The following APTX variants were observed in gnomAD, a reference collection of about 807,000 sequenced individuals.
APTX encodes the protein aprataxin.
APTX carries 33 observed loss-of-function variants against 42.3 expected under a neutral mutation model. The observed-to-expected ratio is 0.78, with a 90% CI of 0.59 to 1.04. APTX has a LOEUF of 1.04. Ranked by LOEUF, APTX falls within the 50% of genes least tolerant of loss-of-function variation. APTX has a pLI of 0.00. For synonymous variants in APTX, 130 were observed against 146.7 expected, an observed-to-expected ratio of 0.89 and a Z score of 0.82; for missense variants, 421 against 415.1, an observed-to-expected ratio of 1.01 and a Z score of -0.12.
intron 6 of APTX, among the ~76,000 whole-genome samples, chr9:32,983,762 A>G (rs1388993428): frequency 6.6e-6 from 1 of 152,204 alleles, no homozygotes; most frequent in East Asian, 1.9e-4. Flanking sequence ...AAGGACAAAT[A>G]TGTCCTTGTA....
chr9:33,013,438 C>G (rs72720955), intron 1 of APTX, among the ~76,000 whole-genome samples: 1 of 152,242 alleles, frequency 6.6e-6, no homozygotes, highest in Non-Finnish European at 1.5e-5. Context: ...GGTAAAGTTA[C>G]ACAGCAGATG....
intron 1 of APTX, among the ~76,000 whole-genome samples, chr9:33,022,767 G>A (rs866236584): frequency 6.6e-6 from 1 of 152,168 alleles, no homozygotes; most frequent in East Asian, 1.9e-4. Flanking sequence ...CTGTACAAAC[G>A]AAGACCACAT....
upstream of APTX, among the ~76,000 whole-genome samples, chr9:33,005,510 T>C (rs143856662): frequency 4.0e-4 from 61 of 152,008 alleles, 1 homozygote; most frequent in African/African-American, 1.4e-3. Flanking sequence ...AATCACAGCT[T>C]ACTGCAGCCT....
intron 1 of APTX, among the ~76,000 whole-genome samples, chr9:32,992,694 AAAC>A (rs1283751237): frequency 1.3e-5 from 2 of 152,238 alleles, no homozygotes; most frequent in African/African-American, 4.8e-5. Context: ...CAGTAAGATA[AAAC>A]AACAGCATCC....
intron 4 of APTX, among the ~76,000 whole-genome samples, chr9:32,986,389 G>GT (rs1448450182): frequency 1.3e-5 from 2 of 151,978 alleles, no homozygotes; most frequent in East Asian, 3.9e-4. Flanking sequence ...TAGAGACGGA[G>GT]TTTCACCAGG....
At chr9:32,987,115 G>C (rs1038366333) in intron 4 of APTX, among the ~76,000 whole-genome samples, 4 of 152,200 alleles carry the variant, frequency 2.6e-5, no homozygotes, top group African/African-American at 9.7e-5. Context: ...CACCCAGCCA[G>C]CCTTCCTATA....
chr9:33,015,421 G>A (rs137878357), intron 1 of APTX, among the ~76,000 whole-genome samples: 6 of 152,148 alleles, frequency 3.9e-5, no homozygotes, highest in East Asian at 1.9e-4. Flanking sequence ...GTGCAATGGC[G>A]CGATCTCAGC....
intron 3 of APTX, 109 bp downstream of exon 3, chr9:32,987,974 T>C: frequency 6.6e-7 from 1 of 1,506,114 alleles, no homozygotes; most frequent in Non-Finnish European, 9.2e-7. Flanking sequence ...TATTACTCCA[T>C]CACTTCCATA....
At chr9:33,002,792 G>T (rs1238616905), upstream of APTX, among the ~76,000 whole-genome samples, 1 of 152,210 alleles carries the variant, frequency 6.6e-6, no homozygotes, top group East Asian at 1.9e-4. Context: ...TGAGATTTAA[G>T]GAGTCACATT....
intron 1 of APTX, among the ~76,000 whole-genome samples, chr9:33,010,165 A>G (rs1381592611): frequency 6.6e-6 from 1 of 152,206 alleles, no homozygotes; most frequent in African/African-American, 2.4e-5. Context: ...AGGCAATAGT[A>G]GTTCCCAGAA....
intron 1 of APTX, chr9:33,024,874 G>T (rs1217409946): frequency 1.1e-5 from 1 of 94,912 alleles, no homozygotes; most frequent in Non-Finnish European, 2.2e-5. Flanking sequence ...GGGGGGGGGG[G>T]GGGCAAGACT....
At chr9:33,009,878 C>T (rs1439056969) in intron 1 of APTX, among the ~76,000 whole-genome samples, 1 of 152,134 alleles carries the variant, frequency 6.6e-6, no homozygotes, top group African/African-American at 2.4e-5. Flanking sequence ...AAATCCTTTA[C>T]CAATGCTCAT....
At chr9:33,001,522 C>T in intron 1 of APTX, 45 bp downstream of exon 1, 4 of 1,612,932 alleles carry the variant, frequency 2.5e-6, no homozygotes, top group Non-Finnish European at 3.4e-6. Context: ...TCACCCGCGG[C>T]ATTGAGCCCA....
intron 1 of APTX, among the ~76,000 whole-genome samples, chr9:33,012,260 T>C (rs1454858260): frequency 6.6e-6 from 1 of 152,092 alleles, no homozygotes; most frequent in Admixed American, 6.6e-5. Context: ...TTGGATATTT[T>C]AGAGAGAGAG....
chr9:33,024,862 G>GGGT lies in APTX; in HGVS notation c.-5+160_-5+161insACC, dbSNP rs1554677511. 69 of 13,472 alleles carry GGGT rather than the reference G, an allele frequency of 5.1e-3. 2 individuals are homozygous for GGGT. The highest frequency in any genetic ancestry group is 0.02 in the African/African-American group (63 of 3,184). The allele number at this position is 13,472 out of a possible 1,614,324, so 0.8% of individuals were successfully genotyped here. Reference sequence around the variant, plus strand: ...AAAAAGAGAAGAGGCGCCCGTAAGAGGGGGGGGGGGGGGGGCAAGACTGTT... The same window carrying GGGT: ...AAAAAGAGAAGAGGCGCCCGTAAGAGGGTGGGGGGGGGGGGGGGCAAGACTGTT... On this transcript the variant is annotated intron_variant, in intron 1 of 6. Coordinates refer to the APTX transcript ENST00000436040.
rs1483847207 is a variant in APTX at position 32,974,450 on chromosome 9, CTG to C, written c.874+6_874+7del. The C allele has an allele frequency of 2.0e-6, 3 of 1,490,088 alleles. No individual in the cohort carries two copies. The highest frequency in any genetic ancestry group is 4.5e-5 in the East Asian group (2 of 44,202). 92.3% of individuals were successfully genotyped at this position (1,490,088 alleles called of 1,614,324 possible). A position where few individuals can be genotyped will look rare whatever the true frequency, so the allele number is the denominator to read the frequency against. Reference sequence around the variant, plus strand: ...AAACAAATGTGAAAACCAAGGAACACTGTTTACCTTGTGATTCTAGGAAGTAT... The same window carrying C: ...AAACAAATGTGAAAACCAAGGAACACTTTACCTTGTGATTCTAGGAAGTAT... On this transcript the variant is annotated splice_donor_region_variant and intron_variant, in intron 7 of 7. Transcript: ENST00000379817.
chr9:32,989,940 G>A (rs1833163462), intron 1 of APTX, 45 bp from the exon 2 acceptor site: 1 of 1,588,630 alleles, frequency 6.3e-7, no homozygotes, highest in South Asian at 1.1e-5. Flanking sequence ...AGATCCACTA[G>A]CACGAGTCCT....
chr9:33,010,679 A>AT (rs1002357262), intron 1 of APTX, among the ~76,000 whole-genome samples: 3 of 151,480 alleles, frequency 2.0e-5, no homozygotes, highest in Non-Finnish European at 4.4e-5. Flanking sequence ...AGATCATGCC[A>AT]TTGCACTCCA....
chr9:32,974,287 A>C (rs992808742), intron 7 of APTX, among the ~76,000 whole-genome samples, 171 bp downstream of exon 7: 1 of 152,230 alleles, frequency 6.6e-6, no homozygotes, highest in African/African-American at 2.4e-5. Flanking sequence ...AAGTGGCAAT[A>C]ATACTACAAT....
Sources: gnomAD v4.1 joint callset for allele counts (sites outside exome capture counted in the v4.1 genomes callset) on GRCh38, gnomAD v4.1.1 for gene constraint, MANE v1.5 for transcripts, NCBI Gene and HGNC (gene_info 2026-07-23, HGNC 2026-07-21) for gene names.